Variants in VAV1 observed in about 807,000 individuals in gnomAD.
The protein encoded by VAV1 is proto-oncogene vav.
Under a neutral mutation model 128.1 loss-of-function variants are expected in VAV1, and 33 were observed. The observed-to-expected ratio is 0.26, with a 90% CI of 0.20 to 0.34. The LOEUF (loss-of-function observed/expected upper bound fraction) is 0.34. Among genes scored for constraint, VAV1 ranks in the 10% least tolerant of loss-of-function variants. The pLI, the probability that VAV1 is intolerant of heterozygous loss-of-function variation, is 1.00. For missense variants in VAV1, 715 were observed against 1,093.7 expected (o/e 0.65, Z 4.88); for synonymous variants, 394 against 409.8 (o/e 0.96, Z 0.47).
rs909104760 is a variant in VAV1, at chr19:6,826,785, A to G, written c.927+74A>G. ...CCTGGGGGCAGCAGGGAGGACACTGAGTTGCAGATGGTCCACTTTCTGCTG... is the reference window on the plus strand; with the variant it reads ...CCTGGGGGCAGCAGGGAGGACACTGGGTTGCAGATGGTCCACTTTCTGCTG... On this transcript the variant is annotated intron_variant, in intron 9 of 26. Coordinates refer to ENST00000602142, the MANE Select transcript of VAV1 (RefSeq NM_005428.4). This position sits in a 1 kb window ranked among gnomAD's most constrained non-coding sequence, Gnocchi z 4.1. The G allele has an allele frequency of 3.1e-5, 38 of 1,207,120 alleles. No individual in the cohort carries two copies. Among genetic ancestry groups the G allele is most frequent in the Non-Finnish European group, 4.2e-5 (36 of 849,240 alleles). The allele number at this position is 1,207,120 out of a possible 1,614,324, so 74.8% of individuals were successfully genotyped here.
At chr19:6,799,490 A>G (rs1971213919) in intron 1 of VAV1, among the ~76,000 whole-genome samples, 1 of 152,142 alleles carries the variant, frequency 6.6e-6, no homozygotes, top group African/African-American at 2.4e-5. Flanking sequence ...TCTGGGATAC[A>G]TGTGCAGAAC....
intron 22 of VAV1, among the ~76,000 whole-genome samples, 188 bp from the exon 23 acceptor site, chr19:6,847,810 G>A (rs1420918304): frequency 3.3e-5 from 5 of 152,216 alleles, no homozygotes; most frequent in African/African-American, 9.6e-5. Flanking sequence ...GTGGAAGCCC[G>A]CTCCCCATGT....
intron 1 of VAV1, among the ~76,000 whole-genome samples, chr19:6,810,121 G>T (rs1375286615): frequency 6.6e-6 from 1 of 152,102 alleles, no homozygotes; most frequent in African/African-American, 2.4e-5. Flanking sequence ...GGAGGCTGCA[G>T]TGAGCTATGA....
At chr19:6,852,921 G>T (rs759909334) in intron 24 of VAV1, 44 bp from the exon 25 acceptor site, 2 of 1,548,462 alleles carry the variant, frequency 1.3e-6, no homozygotes, top group African/African-American at 1.4e-5. Flanking sequence ...CCCCTTATGG[G>T]CTGGCCCGCT....
At chr19:6,850,619 G>A (rs1375500112) in intron 23 of VAV1, 51 bp from the exon 24 acceptor site, 2 of 1,580,790 alleles carry the variant, frequency 1.3e-6, no homozygotes. Flanking sequence ...GGGCTTGGTG[G>A]GGAATGGGCC....
chr19:6,820,886 A>T lies in VAV1; in HGVS notation c.321+68A>T. On this transcript the variant is annotated intron_variant, in intron 2 of 26. Transcript: ENST00000602142. The surrounding 1 kb of genome is among the most constrained non-coding windows in gnomAD (Gnocchi z 4.4). ...TTTCTATTGACGTCTACACTGGGCA[A>T]GCTAAGGACTGTCAGGGGACAGGCA... 1 of 1,459,450 alleles carries T rather than the reference A, an allele frequency of 6.9e-7. No homozygotes were observed. The highest frequency in any genetic ancestry group is 1.1e-5 in the South Asian group (1 of 87,372). 90.4% of individuals were successfully genotyped at this position (1,459,450 alleles called of 1,614,324 possible).
rs1336584524 is a variant in VAV1, at chr19:6,821,803, CGAG to C, written c.400_402del (p.Glu134del). The C allele has an allele frequency of 6.2e-7, 1 of 1,614,076 alleles. No homozygotes were observed. The highest frequency in any genetic ancestry group is 1.3e-5 in the African/African-American group (1 of 74,936). On this transcript the variant is annotated inframe_deletion, in exon 4 of 27. Transcript: ENST00000602142. ...CCTGACCCCCCAGGCCCTTCCCCACCGAGGAGGAGAGTGTAGGTGATGAAGACA... is the reference window on the plus strand; with the variant it reads ...CCTGACCCCCCAGGCCCTTCCCCACCGAGGAGAGTGTAGGTGATGAAGACA...
chr19:6,798,654 C>G (rs1432636234), intron 1 of VAV1, among the ~76,000 whole-genome samples: 9 of 145,426 alleles, frequency 6.2e-5, no homozygotes, highest in Non-Finnish European at 1.2e-4. Context: ...CCCTGTTTCT[C>G]CCCTTCCCCC....
chr19:6,776,672 G>A (rs1305955013), intron 1 of VAV1, among the ~76,000 whole-genome samples: 1 of 131,932 alleles, frequency 7.6e-6, no homozygotes, highest in African/African-American at 2.9e-5. Context: ...TTCCATCCAT[G>A]TATCCACCCA....
chr19:6,828,250 T>C lies in VAV1; in HGVS notation c.1023+79T>C. 1 of 1,564,630 alleles carries C rather than the reference T, an allele frequency of 6.4e-7. No individual in the cohort carries two copies. ...TAAAAGTGGGGACGGGGCTGGCTTC[T>C]GGGGGTTGGGTCTCTAGGACGCTCG... is the stretch of plus-strand genomic sequence containing the variant. On this transcript the variant is annotated intron_variant, in intron 10 of 26. Coordinates refer to ENST00000602142, the MANE Select transcript of VAV1 (RefSeq NM_005428.4). The surrounding 1 kb of genome is among the most constrained non-coding windows in gnomAD (Gnocchi z 4.5).
chr19:6,816,272 G>A (rs923110504), intron 1 of VAV1, among the ~76,000 whole-genome samples: 5 of 151,994 alleles, frequency 3.3e-5, no homozygotes, highest in South Asian at 4.1e-4. Flanking sequence ...TGCCCTCCTC[G>A]GCTTCCCAAA....
intron 22 of VAV1, among the ~76,000 whole-genome samples, chr19:6,843,867 C>T (rs141238479): frequency 1.1e-4 from 16 of 151,814 alleles, no homozygotes; most frequent in African/African-American, 3.4e-4. Context: ...TCTTGCGATC[C>T]ACAGTGTCCA....
At chr19:6,852,722 A>AAC (rs201546460) in intron 24 of VAV1, among the ~76,000 whole-genome samples, 2,742 of 146,702 alleles carry the variant, frequency 0.019, 113 homozygotes, top group African/African-American at 0.071. Flanking sequence ...CTCCGTCTCA[A>AAC]AGAAAAAAAA....
At chr19:6,846,999 C>T (rs1404363262) in intron 22 of VAV1, among the ~76,000 whole-genome samples, 14 of 150,926 alleles carry the variant, frequency 9.3e-5, no homozygotes, top group African/African-American at 3.4e-4. Flanking sequence ...CTGCAACCTC[C>T]GCCTACCGAG....
intron 1 of VAV1, among the ~76,000 whole-genome samples, chr19:6,811,941 T>C (rs1971521229): frequency 6.6e-6 from 1 of 152,174 alleles, no homozygotes. Context: ...TCATTTGCAG[T>C]TTTGCCATCC....
chr19:6,779,141 T>A (rs1970710165), intron 1 of VAV1, among the ~76,000 whole-genome samples: 1 of 150,394 alleles, frequency 6.6e-6, no homozygotes, highest in Admixed American at 6.6e-5. Context: ...AGCCTCGAAC[T>A]CCTGTGCTCA....
chr19:6,842,932 C>G (rs1683148778), intron 21 of VAV1, among the ~76,000 whole-genome samples: 1 of 152,002 alleles, frequency 6.6e-6, no homozygotes, highest in Non-Finnish European at 1.5e-5. Flanking sequence ...GGAAGACAAC[C>G]CCTGCTTTAT....
In VAV1 at chr19:6,828,407, T is replaced by C; in HGVS notation, c.1024-12T>C. The C allele has an allele frequency of 6.2e-7, 1 of 1,614,062 alleles. No homozygotes were observed. The highest frequency in any genetic ancestry group is 8.5e-7 in the Non-Finnish European group (1 of 1,180,012). On this transcript the variant is annotated splice_polypyrimidine_tract_variant and intron_variant, in intron 10 of 26. Coordinates refer to ENST00000602142, the MANE Select transcript of VAV1 (RefSeq NM_005428.4). This position sits in a 1 kb window ranked among gnomAD's most constrained non-coding sequence, Gnocchi z 4.5. ...GGGGCCCAGGTGACGTCTGACGTCT[T>C]GGTTCTCTCAGGAGCTGGTGAAACA...
At position 6,828,085 on chromosome 19, in the gene VAV1, C is replaced by G. The variant is rs759883753; in HGVS notation, c.937C>G (p.Gln313Glu). Residue 313 changes from glutamine to glutamate, a missense_variant, in exon 10 of 27, where the codon CAG (glutamine) becomes GAG (glutamate). Physicochemically the swap from Gln to Glu is conservative, Grantham distance 29 (BLOSUM62 2). Around this residue, in one of 3 missense-constraint regions of VAV1, gnomAD observed 302 missense variants for 477.8 expected, o/e 0.63. Transcript: ENST00000602142. The surrounding 1 kb of genome is among the most constrained non-coding windows in gnomAD (Gnocchi z 4.5). ...DVQMKLEECS[Q>E]RANNGRFTLR... Reference sequence around the variant, plus strand: ...TTCTCTGATTCCCCAGGAATGTTCTCAGAGAGCCAACAACGGGAGGTTCAC... The same window carrying G: ...TTCTCTGATTCCCCAGGAATGTTCTGAGAGAGCCAACAACGGGAGGTTCAC... 1.2e-6 allele frequency: 2 copies of G among 1,614,200 alleles called. No homozygotes were observed. Among genetic ancestry groups the G allele is most frequent in the South Asian group, 1.1e-5 (1 of 91,080 alleles).
Sources: allele counts gnomAD v4.1 joint callset (sites outside exome capture counted in the v4.1 genomes callset), GRCh38; gene constraint gnomAD v4.1.1; regional missense constraint gnomAD v4.1.1; non-coding constraint Gnocchi (gnomAD v3.1); transcripts MANE v1.5; gene names NCBI Gene and HGNC (gene_info 2026-07-23, HGNC 2026-07-21).